The following CASD1 variants were observed in gnomAD, a reference collection of about 807,000 sequenced individuals.
CASD1 encodes the protein N-acetylneuraminate (7)9-O-acetyltransferase.
CASD1 carries 41 observed loss-of-function variants against 100.0 expected under a neutral mutation model. The observed-to-expected ratio is 0.41, with a 90% CI of 0.32 to 0.53. The LOEUF (loss-of-function observed/expected upper bound fraction) is 0.53. CASD1 is among the 20% of genes least tolerant of loss of function. The pLI, the probability that CASD1 is intolerant of heterozygous loss-of-function variation, is 0.25. For synonymous variants in CASD1, 321 were observed against 315.6 expected, an observed-to-expected ratio of 1.02 and a Z score of -0.18; for missense variants, 774 against 948.7, an observed-to-expected ratio of 0.82 and a Z score of 2.42.
the CASD1 span, among the ~76,000 whole-genome samples, chr7:94,615,358 C>A: frequency 7.1e-6 from 1 of 140,618 alleles, no homozygotes; most frequent in Non-Finnish European, 1.5e-5. Context: ...GACTCTGTCT[C>A]AAAATAAATA....
At chr7:94,595,282 T>G in the CASD1 span, among the ~76,000 whole-genome samples, 6 of 152,184 alleles carry the variant, frequency 3.9e-5, no homozygotes, top group East Asian at 1.9e-4. Context: ...TTGATGTAAA[T>G]TGACTTGTTT....
Position 94,544,448 on chromosome 7 carries a change from C to T in CASD1, c.1394C>T (p.Ala465Val), listed in dbSNP as rs2116378723. The part of the protein sequence containing the change: ...PVYMHIRVLV[A>V]AYLFQTGYGH... ...TACATGCACATTCGAGTTCTGGTTG[C>T]TGCATATTTATTTCAGACAGGGTAT... The change falls in exon 11 of 18, where the codon GCT (alanine) becomes GTT (valine). Residue 465 changes from alanine (A) to valine (V), a missense_variant. Physicochemically the swap from Ala to Val is moderately conservative, Grantham distance 64 (BLOSUM62 0). Transcript: ENST00000297273. 1 of 1,613,086 alleles carries T rather than the reference C, an allele frequency of 6.2e-7. No homozygotes were observed. The highest frequency in any genetic ancestry group is 2.2e-5 in the East Asian group (1 of 44,768).
chr7:94,551,137 T>G (rs1191660533), intron 14 of CASD1, among the ~76,000 whole-genome samples: 1 of 152,154 alleles, frequency 6.6e-6, no homozygotes, highest in African/African-American at 2.4e-5. Context: ...AGATGCTTGC[T>G]TGTCTATTGC....
the CASD1 span, among the ~76,000 whole-genome samples, chr7:94,605,362 A>G: frequency 6.6e-6 from 1 of 151,546 alleles, no homozygotes; most frequent in African/African-American, 2.4e-5. Context: ...TCAGAGAAGG[A>G]ATAAGTGAAG....
chr7:94,542,281 C>G (rs187178510), intron 10 of CASD1, among the ~76,000 whole-genome samples: 351 of 152,300 alleles, frequency 2.3e-3, no homozygotes, highest in Non-Finnish European at 3.8e-3. Context: ...GCTAGACTCT[C>G]TGCTGTGCTA....
At chr7:94,625,310 A>G in the CASD1 span, 1 of 152,012 alleles carries the variant, frequency 6.6e-6, no homozygotes, top group Non-Finnish European at 1.5e-5. Context: ...TGTGAAAATG[A>G]GCTATTTACA....
chr7:94,609,810 A>G, the CASD1 span, among the ~76,000 whole-genome samples: 2 of 152,342 alleles, frequency 1.3e-5, no homozygotes, highest in East Asian at 3.9e-4. Context: ...GCAGTTTCTT[A>G]CAAAATAACA....
chr7:94,511,884 A>T (rs1480303878), intron 1 of CASD1, among the ~76,000 whole-genome samples: 18 of 152,208 alleles, frequency 1.2e-4, no homozygotes, highest in Admixed American at 1.2e-3. Flanking sequence ...ATGGGGACTT[A>T]TGAGTCAGTG....
At chr7:94,533,026 G>A (rs1438296505) in intron 5 of CASD1, among the ~76,000 whole-genome samples, 179 bp from the exon 6 acceptor site, 2 of 151,904 alleles carry the variant, frequency 1.3e-5, no homozygotes, top group Non-Finnish European at 2.9e-5. Context: ...TTTAGGCATT[G>A]GATATCCTAA....
At chr7:94,574,730 G>A in the CASD1 span, among the ~76,000 whole-genome samples, 1 of 151,890 alleles carries the variant, frequency 6.6e-6, no homozygotes, top group Admixed American at 6.6e-5. Flanking sequence ...CAGGACTTTG[G>A]AAGCCTGAGA....
chr7:94,544,822 CTA>C (rs1193322075), intron 11 of CASD1, among the ~76,000 whole-genome samples: 1 of 152,004 alleles, frequency 6.6e-6, no homozygotes, highest in Admixed American at 6.6e-5. Flanking sequence ...GTATAATGTG[CTA>C]TGTTTTCTTT....
the CASD1 span, among the ~76,000 whole-genome samples, chr7:94,572,823 G>A: frequency 1.1e-4 from 16 of 152,074 alleles, no homozygotes; most frequent in Admixed American, 2.6e-4. Context: ...TGCCCAGGAT[G>A]GTATTGCCTA....
chr7:94,629,610 G>T, the CASD1 span: 1 of 984,468 alleles, frequency 1.0e-6, no homozygotes, highest in Non-Finnish European at 1.6e-6. Context: ...CACATATTTA[G>T]ACCATTTGAA....
chr7:94,534,159 A>ATTTTTTTTTTTTTTTTTTTTTTTTTTTT, intron 7 of CASD1, among the ~76,000 whole-genome samples: 1 of 100,538 alleles, frequency 9.9e-6, no homozygotes, highest in Non-Finnish European at 1.9e-5. Context: ...CTGTTTCATA[A>ATTTTTTTTTTTTTTTTTTTTTTTTTTTT]TTTTTTTTTT....
At chr7:94,583,187 A>G in the CASD1 span, among the ~76,000 whole-genome samples, 1 of 152,180 alleles carries the variant, frequency 6.6e-6, no homozygotes, top group African/African-American at 2.4e-5. Flanking sequence ...TTTAGCCTTA[A>G]TAGCTTTACT....
chr7:94,509,991 C>A lies in CASD1; in HGVS notation c.-94C>A. On this transcript the variant is annotated 5_prime_UTR_variant, in exon 1 of 18. Transcript: ENST00000297273. ...GCGGCCTGGGGAGCTGGCGGCCGCT[C>A]CTCGCCTGGCTGCAGCGGCGGCAGC... 7.9e-7 allele frequency: 1 copy of A among 1,270,380 alleles called. No individual in the cohort carries two copies. The highest frequency in any genetic ancestry group is 1.0e-6 in the Non-Finnish European group (1 of 997,192). The allele number at this position is 1,270,380 out of a possible 1,614,324, so 78.7% of individuals were successfully genotyped here. A position where few individuals can be genotyped will look rare whatever the true frequency, so the allele number is the denominator to read the frequency against.
chr7:94,588,653 A>G, the CASD1 span: 3 of 1,571,306 alleles, frequency 1.9e-6, no homozygotes, highest in Non-Finnish European at 2.6e-6. Flanking sequence ...TATTAGATTC[A>G]TTCATAAACA....
At chr7:94,617,403 T>C in the CASD1 span, 2 of 152,224 alleles carry the variant, frequency 1.3e-5, no homozygotes, top group Non-Finnish European at 2.9e-5. Context: ...TTGTGCTGTT[T>C]CCTCCAACAT....
At chr7:94,569,994 T>C in the CASD1 span, among the ~76,000 whole-genome samples, 3 of 151,786 alleles carry the variant, frequency 2.0e-5, no homozygotes, top group African/African-American at 7.3e-5. Flanking sequence ...TTTGTATTTT[T>C]AGTAGAGACA....
Sources: gnomAD v4.1 joint callset for allele counts (sites outside exome capture counted in the v4.1 genomes callset) on GRCh38, gnomAD v4.1.1 for gene constraint, MANE v1.5 for transcripts, NCBI Gene and HGNC (gene_info 2026-07-23, HGNC 2026-07-21) for gene names.